The following STAMBP variants were observed in gnomAD, a reference collection of about 807,000 sequenced individuals.
STAMBP encodes the protein STAM binding protein.
Under a neutral mutation model 50.7 loss-of-function variants are expected in STAMBP, and 31 were observed. The observed-to-expected ratio is 0.61, with a 90% CI of 0.46 to 0.83. The LOEUF (loss-of-function observed/expected upper bound fraction) is 0.83. Ranked by LOEUF, STAMBP falls within the 40% of genes least tolerant of loss-of-function variation. STAMBP has a pLI of 0.00. For missense variants in STAMBP, 472 were observed against 518.9 expected, an observed-to-expected ratio of 0.91 and a Z score of 0.88; for synonymous variants, 211 against 192.4, an observed-to-expected ratio of 1.10 and a Z score of -0.80.
chr2:73,840,309 G>GTTTT (rs1157397522), intron 2 of STAMBP, among the ~76,000 whole-genome samples: 4 of 104,688 alleles, frequency 3.8e-5, no homozygotes, highest in Admixed American at 9.8e-5. Flanking sequence ...ACATTTAGGG[G>GTTTT]TTTGTTTTTT....
intron 7 of STAMBP, among the ~76,000 whole-genome samples, chr2:73,857,468 A>C (rs757566018): frequency 2.6e-5 from 4 of 152,090 alleles, no homozygotes; most frequent in Non-Finnish European, 5.9e-5. Context: ...CACTGCCTTC[A>C]AACAAGGGAA....
Position 73,863,431 on chromosome 2 carries a change from A to G in STAMBP, c.*1172A>G, listed in dbSNP as rs1678568098. The G allele has an allele frequency of 6.6e-6, 1 of 152,134 alleles. No individual in the cohort carries two copies. Among genetic ancestry groups the G allele is most frequent in the Admixed American group, 6.5e-5 (1 of 15,272 alleles). The allele number at this position is 152,134 out of a possible 1,614,324, so 9.4% of individuals were successfully genotyped here. A position where few individuals can be genotyped will look rare whatever the true frequency, so the allele number is the denominator to read the frequency against. ...CTAGGAGAAGAGTGATTTATTCTTTATCAGAATTCTAGGTGGGGGAGGGAG... is the reference window on the plus strand; with the variant it reads ...CTAGGAGAAGAGTGATTTATTCTTTGTCAGAATTCTAGGTGGGGGAGGGAG... On this transcript the variant is annotated 3_prime_UTR_variant, in exon 10 of 10. Transcript: ENST00000394070.
At chr2:73,870,538 TTCTG>T (rs1310334425), downstream of STAMBP, among the ~76,000 whole-genome samples, 2 of 152,202 alleles carry the variant, frequency 1.3e-5, no homozygotes, top group Non-Finnish European at 2.9e-5. Context: ...CCAGGGTTAT[TTCTG>T]TCTTTTTTTC....
At chr2:73,869,413 A>C (rs1007851606), downstream of STAMBP, among the ~76,000 whole-genome samples, 1 of 152,248 alleles carries the variant, frequency 6.6e-6, no homozygotes, top group Non-Finnish European at 1.5e-5. Context: ...TCGGTATTCT[A>C]TGAGAGAAAG....
chr2:73,859,412 G>A (rs1160771551), intron 8 of STAMBP, 46 bp downstream of exon 8: 3 of 1,464,406 alleles, frequency 2.0e-6, no homozygotes, highest in African/African-American at 1.4e-5. Flanking sequence ...GGGGTAGTAG[G>A]GAAGAAAGCC....
chr2:73,835,313 C>G (rs1674577656), intron 2 of STAMBP, among the ~76,000 whole-genome samples: 1 of 147,316 alleles, frequency 6.8e-6, no homozygotes. Flanking sequence ...AAGATCGCGG[C>G]ACTGCACTCC....
chr2:73,850,585 T>C lies in STAMBP; in HGVS notation c.1005+72T>C, dbSNP rs1422769680. The C allele has an allele frequency of 6.8e-7, 1 of 1,481,084 alleles. No homozygotes were observed. Among genetic ancestry groups the C allele is most frequent in the African/African-American group, 1.4e-5 (1 of 70,506 alleles). The allele number at this position is 1,481,084 out of a possible 1,614,324, so 91.7% of individuals were successfully genotyped here. On this transcript the variant is annotated intron_variant, in intron 7 of 9. Coordinates refer to ENST00000394070, the MANE Select transcript of STAMBP (RefSeq NM_213622.4). This position sits in a 1 kb window ranked among gnomAD's most constrained non-coding sequence, Gnocchi z 4.3. ...GGTGGTATAAATACATGAGTGTTTC[T>C]TTGAACAAAGTCAATTATATCCAGA...
intron 7 of STAMBP, 48 bp from the exon 8 acceptor site, chr2:73,859,206 T>A (rs1677977097): frequency 6.8e-7 from 1 of 1,477,394 alleles, no homozygotes. Context: ...AAGGAGGGAT[T>A]ACCATATATC....
intron 1 of STAMBP, among the ~76,000 whole-genome samples, chr2:73,830,219 A>T (rs1364539003): frequency 1.3e-5 from 2 of 152,250 alleles, no homozygotes; most frequent in African/African-American, 2.4e-5. Context: ...TTGCCATGAT[A>T]ATGATGAATG....
chr2:73,838,831 C>T (rs956583294), intron 2 of STAMBP, among the ~76,000 whole-genome samples: 2 of 152,104 alleles, frequency 1.3e-5, no homozygotes, highest in African/African-American at 4.8e-5. Flanking sequence ...ATTGGCCTTA[C>T]CTGAAGTAAT....
At chr2:73,847,816 G>T in intron 5 of STAMBP, 63 bp downstream of exon 5, 1 of 1,545,632 alleles carries the variant, frequency 6.5e-7, no homozygotes, top group Non-Finnish European at 8.7e-7. Flanking sequence ...CATTCTGACG[G>T]GGTCAACCTA....
downstream of STAMBP, among the ~76,000 whole-genome samples, chr2:73,870,864 C>G (rs1202783843): frequency 1.3e-5 from 2 of 152,148 alleles, no homozygotes; most frequent in Non-Finnish European, 2.9e-5. Flanking sequence ...ACTTAGACAC[C>G]TGTGTCTAGA....
At chr2:73,845,102 G>A (rs2104460623) in intron 3 of STAMBP, 65 bp from the exon 4 acceptor site, 1 of 1,595,096 alleles carries the variant, frequency 6.3e-7, no homozygotes, top group African/African-American at 1.3e-5. Flanking sequence ...CTTGACTTAA[G>A]TCTTCTTTTG....
At chr2:73,848,032 GA>G (rs923956092) in intron 5 of STAMBP, among the ~76,000 whole-genome samples, 1 of 152,152 alleles carries the variant, frequency 6.6e-6, no homozygotes, top group Non-Finnish European at 1.5e-5. Context: ...GTGCCAAACC[GA>G]ATTCATAATC....
At chr2:73,871,206 A>G (rs541179760), downstream of STAMBP, among the ~76,000 whole-genome samples, 67 of 152,314 alleles carry the variant, frequency 4.4e-4, 1 homozygote, top group Admixed American at 6.5e-5. Flanking sequence ...CAGCTGGCCT[A>G]TGAGGAAACC....
At chr2:73,859,487 G>A in intron 8 of STAMBP, 121 bp downstream of exon 8, 1 of 780,438 alleles carries the variant, frequency 1.3e-6, no homozygotes, top group Non-Finnish European at 2.2e-6. Flanking sequence ...TATAATGTAA[G>A]TTGGTTATTC....
Position 73,859,238 on chromosome 2 carries a change from C to T in STAMBP, c.1006-16C>T, listed in dbSNP as rs781231058. The stretch of plus-strand genomic sequence containing the variant: ...TATCCTCGCTAAGAGTCCTCTGACT[C>T]TTTTTCTCTCCTCAGACTCACCCCA... On this transcript the variant is annotated splice_polypyrimidine_tract_variant and intron_variant, in intron 7 of 9. Transcript: ENST00000394070. 3.7e-6 allele frequency: 6 copies of T among 1,607,668 alleles called. No homozygotes were observed. Among genetic ancestry groups the T allele is most frequent in the Non-Finnish European group, 4.3e-6 (5 of 1,174,258 alleles).
chr2:73,837,295 A>G (rs1573268395), intron 2 of STAMBP, among the ~76,000 whole-genome samples: 1 of 152,182 alleles, frequency 6.6e-6, no homozygotes, highest in Non-Finnish European at 1.5e-5. Flanking sequence ...ATTGATAAAG[A>G]ACACATTAGG....
At chr2:73,830,765 A>G (rs1673802604) in intron 1 of STAMBP, 80 bp from the exon 2 acceptor site, 5 of 1,028,770 alleles carry the variant, frequency 4.9e-6, no homozygotes, top group Non-Finnish European at 7.2e-6. Flanking sequence ...TTCTTAAGGT[A>G]GAGGTCTGTG....
Sources: allele counts gnomAD v4.1 joint callset (sites outside exome capture counted in the v4.1 genomes callset), GRCh38; gene constraint gnomAD v4.1.1; non-coding constraint Gnocchi (gnomAD v3.1); transcripts MANE v1.5; gene names NCBI Gene and HGNC (gene_info 2026-07-23, HGNC 2026-07-21).